The following TTF1 variants were observed in gnomAD, a reference collection of about 807,000 sequenced individuals.
The protein encoded by TTF1 is transcription termination factor, RNA polymerase I.
A neutral mutation model predicts 80.2 loss-of-function variants in TTF1; 64 were observed. That is an observed-to-expected ratio of 0.80 (90% CI 0.65 to 0.98). The LOEUF is 0.98. Ranked by LOEUF, TTF1 falls within the 50% of genes least tolerant of loss-of-function variation. The pLI is 0.00. For synonymous variants in TTF1, 372 were observed against 382.7 expected (o/e 0.97, Z 0.33); for missense variants, 1,023 against 1,086.2 (o/e 0.94, Z 0.82).
Position 132,402,650 on chromosome 9 carries a change from C to CT in TTF1, c.171dup (p.Asp58ArgfsTer17). ...GGAGAAGAAATGAGATGCTGGAAAT[C>CT]TTTTTTCCTCTTTTTCCTCCTAGTT... On this transcript the variant is annotated frameshift_variant, in exon 2 of 11. Transcript: ENST00000334270. LOFTEE classifies it high-confidence loss of function. 2 of 1,613,038 alleles carry CT rather than the reference C, an allele frequency of 1.2e-6. No individual in the cohort carries two copies. Among genetic ancestry groups the CT allele is most frequent in the Non-Finnish European group, 1.7e-6 (2 of 1,179,772 alleles).
Position 132,402,642 on chromosome 9 carries a change from C to A in TTF1, c.180G>T (p.Gln60His). ...TTTTCAAAGGAGAAGAAATGAGATG[C>A]TGGAAATCTTTTTTCCTCTTTTTCC... The part of the protein sequence containing the change: ...TRRKKRKKDF[Q>H]HLISSPLKKS... Residue 60 changes from glutamine to histidine, a missense_variant, in exon 2 of 11, where the codon CAG becomes CAT. By Grantham distance (24) the Gln-to-His change is conservative. Coordinates refer to ENST00000334270, the MANE Select transcript of TTF1 (RefSeq NM_007344.4). The A allele has an allele frequency of 6.2e-7, 1 of 1,613,250 alleles. No homozygotes were observed. The highest frequency in any genetic ancestry group is 8.5e-7 in the Non-Finnish European group (1 of 1,179,790).
chr9:132,395,347 A>T (rs1564188326), intron 5 of TTF1, among the ~76,000 whole-genome samples: 1 of 152,238 alleles, frequency 6.6e-6, no homozygotes, highest in Non-Finnish European at 1.5e-5. Context: ...CAAATAATAC[A>T]GCACAAAGAG....
chr9:132,383,322 T>C (rs572712), intron 9 of TTF1, among the ~76,000 whole-genome samples: 151,792 of 151,912 alleles, frequency 1, 75,836 homozygotes, highest in Middle Eastern at 1. Flanking sequence ...TCAAGGACAT[T>C]ACTGGGACAA....
chr9:132,405,216 T>C (rs1220030866), intron 1 of TTF1, among the ~76,000 whole-genome samples: 2 of 150,904 alleles, frequency 1.3e-5, no homozygotes, highest in Admixed American at 6.6e-5. Context: ...TTCTTTTTCT[T>C]TTTTTGGAGA....
rs768931227 is a variant in TTF1 at position 132,402,229 on chromosome 9, C to G, written c.593G>C (p.Trp198Ser). The change falls in exon 2 of 11, where the codon TGG becomes TCG. Residue 198 changes from tryptophan to serine, a missense_variant. Transcript: ENST00000334270. ...TTCACCCCCTGGACCCACAGAAAGCCAGGACTCCTCCTGGTGGGATTCTGA... is the reference window on the plus strand; with the variant it reads ...TTCACCCCCTGGACCCACAGAAAGCGAGGACTCCTCCTGGTGGGATTCTGA... ...PQSESHQEES[W>S]LSVGPGGEIT... 1.2e-6 allele frequency: 2 copies of G among 1,614,022 alleles called. No individual in the cohort carries two copies. Among genetic ancestry groups the G allele is most frequent in the East Asian group, 4.5e-5 (2 of 44,896 alleles).
chr9:132,403,214 G>A (rs932659717), intron 1 of TTF1, among the ~76,000 whole-genome samples: 2 of 152,152 alleles, frequency 1.3e-5, no homozygotes, highest in African/African-American at 4.8e-5. Flanking sequence ...AAATGAAATT[G>A]TATGACAAAT....
Position 132,376,888 on chromosome 9 carries a change from G to T in TTF1, c.2465-720C>A, listed in dbSNP as rs181659046. The stretch of plus-strand genomic sequence containing the variant: ...TAGAGATAGGTGTGTGTGTGTGGGA[G>T]GGTCTCTCTTATGTTGCCCAGGATG... On this transcript the variant is annotated intron_variant, in intron 10 of 10. Transcript: ENST00000334270. 1.3e-3 allele frequency among the ~76,000 whole-genome samples: 195 copies of T among 151,934 alleles called. 1 individual carries two copies. Among genetic ancestry groups the T allele is most frequent in the African/African-American group, 4.3e-3 (177 of 41,428 alleles).
chr9:132,401,384 A>T (rs950510181), intron 2 of TTF1, 71 bp downstream of exon 2: 21 of 1,405,754 alleles, frequency 1.5e-5, no homozygotes, highest in Non-Finnish European at 1.8e-5. Context: ...AGTCTGTGCT[A>T]AATAAAGAGG....
intron 6 of TTF1, 49 bp downstream of exon 6, chr9:132,392,027 G>C (rs1039701944): frequency 1.9e-6 from 3 of 1,611,588 alleles, no homozygotes; most frequent in Non-Finnish European, 2.5e-6. Flanking sequence ...AACCAGGCCT[G>C]TCAGGGCTTA....
At position 132,398,241 on chromosome 9, in the gene TTF1, G is replaced by A. The variant is rs139989523; in HGVS notation, c.1677C>T (p.Gly559=). The A allele has an allele frequency of 1.9e-4, 307 of 1,607,814 alleles. No homozygotes were observed. Among genetic ancestry groups the A allele is most frequent in the Non-Finnish European group, 2.4e-4 (282 of 1,178,168 alleles). ...ACAGCAGCTTGTCTGCACTCTCAAT[G>A]CCTGTCAGGGCTAGAAAGTCTTCCA... ...KNVEDFLALT[G]IESADKLLYT... is the part of the protein sequence containing the mutation. The change falls in exon 4 of 11, where the codon GGC becomes GGT. Residue 559 remains glycine (G), a synonymous_variant. Transcript: ENST00000334270.
chr9:132,393,363 C>T (rs1016695504), intron 5 of TTF1, among the ~76,000 whole-genome samples: 3 of 151,962 alleles, frequency 2.0e-5, no homozygotes, highest in African/African-American at 4.8e-5. Flanking sequence ...TGTGGGTTCA[C>T]GGGAATGAGG....
intron 3 of TTF1, 148 bp downstream of exon 3, chr9:132,399,887 G>T: frequency 2.3e-6 from 2 of 874,490 alleles, no homozygotes; most frequent in Non-Finnish European, 3.5e-6. Flanking sequence ...TAATTTTACA[G>T]CTTGGACAAT....
chr9:132,406,417 C>T (rs1031833619), intron 1 of TTF1, among the ~76,000 whole-genome samples: 2 of 152,106 alleles, frequency 1.3e-5, no homozygotes, highest in Non-Finnish European at 2.9e-5. Flanking sequence ...GCCTGGCCAA[C>T]ATGGTGAAAC....
intron 1 of TTF1, among the ~76,000 whole-genome samples, chr9:132,405,161 A>G (rs1415608741): frequency 6.6e-6 from 1 of 152,196 alleles, no homozygotes; most frequent in Non-Finnish European, 1.5e-5. Flanking sequence ...TGCTGGGATT[A>G]CAGGCGTGAG....
At chr9:132,391,269 C>A (rs1220643111) in intron 6 of TTF1, among the ~76,000 whole-genome samples, 4 of 152,128 alleles carry the variant, frequency 2.6e-5, no homozygotes, top group Non-Finnish European at 4.4e-5. Context: ...GATGAAGGCA[C>A]CTGAGAATTT....
chr9:132,382,761 C>CAAAAAAAAA (rs55904518), intron 9 of TTF1, among the ~76,000 whole-genome samples: 30 of 137,002 alleles, frequency 2.2e-4, no homozygotes, highest in African/African-American at 7.3e-4. Context: ...ACTAAAAATA[C>CAAAAAAAAA]AAAAAAAAAA....
At chr9:132,377,016 G>A (rs1169214152) in intron 10 of TTF1, among the ~76,000 whole-genome samples, 4 of 152,204 alleles carry the variant, frequency 2.6e-5, no homozygotes, top group African/African-American at 9.7e-5. Flanking sequence ...TGGCTCTGAT[G>A]ATCTGAGTTT....
chr9:132,383,596 C>A (rs926743447), intron 9 of TTF1, among the ~76,000 whole-genome samples: 1 of 151,970 alleles, frequency 6.6e-6, no homozygotes, highest in Admixed American at 6.6e-5. Flanking sequence ...ACTCTTGCAA[C>A]TTGTTTAGCT....
chr9:132,381,052 C>T (rs1849363643), intron 9 of TTF1, among the ~76,000 whole-genome samples: 1 of 152,194 alleles, frequency 6.6e-6, no homozygotes, highest in Admixed American at 6.5e-5. Flanking sequence ...GCTGGGACAA[C>T]AGGCATGTGT....
Sources: allele counts gnomAD v4.1 joint callset (sites outside exome capture counted in the v4.1 genomes callset), GRCh38; gene constraint gnomAD v4.1.1; transcripts MANE v1.5; gene names NCBI Gene and HGNC (gene_info 2026-07-23, HGNC 2026-07-21).